The following PIK3AP1 variants were observed in gnomAD, a reference collection of about 807,000 sequenced individuals.
The protein encoded by PIK3AP1 is phosphoinositide 3-kinase adapter protein 1.
In PIK3AP1, 21 loss-of-function variants were observed where a neutral mutation model predicts 88.1. The ratio of observed to expected loss-of-function variants is 0.24; its 90% CI spans 0.17 to 0.34. PIK3AP1 has a LOEUF of 0.34. PIK3AP1 is among the 10% of genes least tolerant of loss of function. PIK3AP1 has a pLI of 1.00. For missense variants in PIK3AP1, 828 were observed against 1,035.7 expected (o/e 0.80, Z 2.75); for synonymous variants, 398 against 400.0 (o/e 1.00, Z 0.06).
chr10:96,720,455 GCGGCGTCCTGGCT>G lies in PIK3AP1; in HGVS notation c.-74_-62del. 8.2e-7 allele frequency: 1 copy of G among 1,214,184 alleles called. No individual in the cohort carries two copies. Among genetic ancestry groups the G allele is most frequent in the Middle Eastern group, 3.2e-4 (1 of 3,116 alleles). 75.2% of individuals were successfully genotyped at this position (1,214,184 alleles called of 1,614,324 possible). A position where few individuals can be genotyped will look rare whatever the true frequency, so the allele number is the denominator to read the frequency against. ...GTGCCCGGGGCCGGGACCGGGGCCGGCGGCGTCCTGGCTCGGGCTGGAGGGGCGCCGGGCTCCG... is the reference window on the plus strand; with the variant it reads ...GTGCCCGGGGCCGGGACCGGGGCCGGCGGGCTGGAGGGGCGCCGGGCTCCG... On this transcript the variant is annotated 5_prime_UTR_variant, in exon 1 of 17. Coordinates refer to ENST00000339364, the MANE Select transcript of PIK3AP1 (RefSeq NM_152309.3). The surrounding 1 kb of genome is among the most constrained non-coding windows in gnomAD (Gnocchi z 4.6).
chr10:96,640,936 T>A (rs1482355310), intron 8 of PIK3AP1, among the ~76,000 whole-genome samples: 6 of 152,092 alleles, frequency 3.9e-5, no homozygotes, highest in Non-Finnish European at 8.8e-5. Context: ...ATGCTGGGAT[T>A]ACGGGCATGA....
chr10:96,645,422 A>G (rs774217737), intron 8 of PIK3AP1, 51 bp downstream of exon 8: 1 of 1,585,972 alleles, frequency 6.3e-7, no homozygotes, highest in Non-Finnish European at 8.6e-7. Flanking sequence ...GGAATGAAAA[A>G]AGCTGTTTCT....
At chr10:96,685,688 A>G (rs1164217651) in intron 2 of PIK3AP1, among the ~76,000 whole-genome samples, 1 of 152,200 alleles carries the variant, frequency 6.6e-6, no homozygotes, top group Non-Finnish European at 1.5e-5. Flanking sequence ...ACTGAATCTT[A>G]GGCTTGCGGC....
intron 1 of PIK3AP1, among the ~76,000 whole-genome samples, chr10:96,714,049 C>G (rs866372516): frequency 1.3e-5 from 2 of 152,114 alleles, no homozygotes; most frequent in Non-Finnish European, 2.9e-5. Context: ...TGGCATGCGT[C>G]TGTAATTCCA....
At chr10:96,631,957 A>G (rs933756604) in intron 8 of PIK3AP1, among the ~76,000 whole-genome samples, 9 of 152,318 alleles carry the variant, frequency 5.9e-5, no homozygotes, top group Non-Finnish European at 1.3e-4. Flanking sequence ...AATGAGACTT[A>G]AGAACATCAT....
chr10:96,652,623 ATTGGT>A, intron 4 of PIK3AP1, 70 bp downstream of exon 4: 1 of 1,515,764 alleles, frequency 6.6e-7, no homozygotes. Flanking sequence ...AATACCTGGC[ATTGGT>A]GGCATTGGTG....
chr10:96,691,518 A>C (rs1401907186), intron 2 of PIK3AP1, among the ~76,000 whole-genome samples: 1 of 152,146 alleles, frequency 6.6e-6, no homozygotes, highest in Admixed American at 6.6e-5. Flanking sequence ...GGTGGTGGGC[A>C]AGGCTTGGGA....
At chr10:96,651,674 T>C (rs779357637) in intron 4 of PIK3AP1, 23 bp from the exon 5 acceptor site, 4 of 1,610,272 alleles carry the variant, frequency 2.5e-6, no homozygotes, top group Non-Finnish European at 3.4e-6. Flanking sequence ...AAAGACACTA[T>C]CAAAATTCCC....
intron 1 of PIK3AP1, among the ~76,000 whole-genome samples, chr10:96,715,348 G>A (rs1844488146): frequency 6.6e-6 from 1 of 152,088 alleles, no homozygotes; most frequent in South Asian, 2.1e-4. Context: ...CAAATATAAC[G>A]TAGTACCTGA....
chr10:96,638,455 GACACACACACACACAGACACACAC>G (rs1589505636), intron 8 of PIK3AP1, among the ~76,000 whole-genome samples: 1 of 104,348 alleles, frequency 9.6e-6, no homozygotes, highest in Non-Finnish European at 1.9e-5. Context: ...CACACACACA[GACACACACACACACAGACACACAC>G]ACACACACAC....
At chr10:96,712,196 G>A (rs184144133) in intron 1 of PIK3AP1, among the ~76,000 whole-genome samples, 41 of 152,238 alleles carry the variant, frequency 2.7e-4, no homozygotes, top group Middle Eastern at 3.4e-3. Context: ...AAGTTGATCC[G>A]CCTGAGAGTA....
chr10:96,699,498 C>A (rs1844265669), intron 2 of PIK3AP1, among the ~76,000 whole-genome samples: 1 of 152,066 alleles, frequency 6.6e-6, no homozygotes. Context: ...ACTGCAGCTG[C>A]TAAAAAATTT....
chr10:96,709,616 G>T lies in PIK3AP1; in HGVS notation c.381C>A (p.Asp127Glu), dbSNP rs1206726427. Residue 127 changes from aspartate (D) to glutamate (E), a missense_variant, in exon 2 of 17, where the codon GAC (aspartate) becomes GAA (glutamate). Around this residue, in one of 3 missense-constraint regions of PIK3AP1, gnomAD observed 610 missense variants for 760.1 expected, o/e 0.80. Transcript: ENST00000339364. ...CTGCCACGTAGGTCTCTGGCTCATC[G>T]TCACAGGTGAGCTCCTGCCAATGGG... ...DWAHWQELTC[D>E]DEPETYVAAV... is the part of the protein sequence containing the mutation. 1.2e-6 allele frequency: 2 copies of T among 1,614,010 alleles called. No individual in the cohort carries two copies. Among genetic ancestry groups the T allele is most frequent in the Admixed American group, 3.3e-5 (2 of 59,982 alleles).
intron 8 of PIK3AP1, among the ~76,000 whole-genome samples, chr10:96,634,454 C>T (rs1419759662): frequency 6.6e-6 from 1 of 152,224 alleles, no homozygotes; most frequent in East Asian, 1.9e-4. Flanking sequence ...GCATCACGAT[C>T]AGAAGCATGG....
At chr10:96,658,678 C>T (rs1365014212) in intron 2 of PIK3AP1, among the ~76,000 whole-genome samples, 1 of 152,170 alleles carries the variant, frequency 6.6e-6, no homozygotes, top group Non-Finnish European at 1.5e-5. Context: ...TAGAGAGCAA[C>T]AGGCAATGAG....
intron 3 of PIK3AP1, among the ~76,000 whole-genome samples, chr10:96,653,817 T>C (rs994823254): frequency 1.6e-4 from 25 of 152,246 alleles, no homozygotes; most frequent in African/African-American, 5.8e-4. Flanking sequence ...TCATTTTGCA[T>C]AGCATTTCTG....
intron 3 of PIK3AP1, among the ~76,000 whole-genome samples, chr10:96,653,616 T>G (rs2134236586): frequency 6.6e-6 from 1 of 150,410 alleles, no homozygotes; most frequent in Non-Finnish European, 1.5e-5. Flanking sequence ...GCCTCCCTAG[T>G]AGCTGAGATT....
intron 2 of PIK3AP1, among the ~76,000 whole-genome samples, chr10:96,657,600 G>A (rs1843632088): frequency 6.6e-6 from 1 of 152,056 alleles, no homozygotes; most frequent in Non-Finnish European, 1.5e-5. Context: ...TCTAAGGCAG[G>A]GGCTCTTAAC....
intron 9 of PIK3AP1, among the ~76,000 whole-genome samples, chr10:96,627,278 G>A (rs1259808866): frequency 6.6e-6 from 1 of 152,186 alleles, no homozygotes; most frequent in Non-Finnish European, 1.5e-5. Flanking sequence ...CAATAAAAGT[G>A]GTACTTCTTA....
Sources: gnomAD v4.1 joint callset for allele counts (sites outside exome capture counted in the v4.1 genomes callset) on GRCh38, gnomAD v4.1.1 for gene constraint, gnomAD v4.1.1 regional missense constraint, Gnocchi (gnomAD v3.1) non-coding constraint, MANE v1.5 for transcripts, NCBI Gene and HGNC (gene_info 2026-07-23, HGNC 2026-07-21) for gene names.